DLGAP1: variants seen among roughly 807,000 people sequenced by gnomAD.
DLGAP1 encodes disks large-associated protein 1.
A neutral mutation model predicts 90.8 loss-of-function variants in DLGAP1; 11 were observed. The observed-to-expected ratio is 0.12, with a 90% CI of 0.08 to 0.20. DLGAP1 has a LOEUF of 0.20. Among genes scored for constraint, DLGAP1 ranks in the 10% least tolerant of loss-of-function variants. The probability of loss-of-function intolerance (pLI) is 1.00; values close to 1 mark genes in which losing one functional copy is unlikely to be tolerated. For synonymous variants in DLGAP1, 558 were observed against 540.7 expected (o/e 1.03, Z -0.44); for missense variants, 1,050 against 1,333.8 (o/e 0.79, Z 3.31).
chr18:4,376,862 C>T (rs1426859084), intron 1 of DLGAP1, among the ~76,000 whole-genome samples: 1 of 152,102 alleles, frequency 6.6e-6, no homozygotes, highest in African/African-American at 2.4e-5. Flanking sequence ...TGCATTGGGG[C>T]ACTAAACTAT....
intron 7 of DLGAP1, among the ~76,000 whole-genome samples, chr18:3,591,341 T>C (rs181605360): frequency 5.1e-4 from 78 of 152,216 alleles, no homozygotes; most frequent in Non-Finnish European, 9.7e-4. Context: ...ATTGGACTTA[T>C]GGTTGTAATG....
At chr18:4,184,198 G>C (rs1328496947) in intron 1 of DLGAP1, among the ~76,000 whole-genome samples, 1 of 152,114 alleles carries the variant, frequency 6.6e-6, no homozygotes, top group Non-Finnish European at 1.5e-5. Context: ...TTAATTGCTT[G>C]TATTGATCGT....
At chr18:3,994,106 T>G (rs2074021867) in intron 3 of DLGAP1, among the ~76,000 whole-genome samples, 1 of 152,070 alleles carries the variant, frequency 6.6e-6, no homozygotes, top group African/African-American at 2.4e-5. Flanking sequence ...GACCCTCCCT[T>G]TCCTAGGCCA....
chr18:4,228,488 C>T (rs115802515), intron 1 of DLGAP1, among the ~76,000 whole-genome samples: 6,047 of 152,046 alleles, frequency 0.04, 153 homozygotes, highest in Middle Eastern at 0.054. Flanking sequence ...AAAACATCAT[C>T]CATCACGGCC....
chr18:3,850,072 T>C (rs1195431113), intron 4 of DLGAP1, among the ~76,000 whole-genome samples: 2 of 152,120 alleles, frequency 1.3e-5, no homozygotes, highest in African/African-American at 4.8e-5. Flanking sequence ...AAAATTAGCA[T>C]GTGGGATGTT....
At chr18:4,278,835 A>T (rs947569500) in intron 1 of DLGAP1, among the ~76,000 whole-genome samples, 4 of 152,224 alleles carry the variant, frequency 2.6e-5, no homozygotes, top group African/African-American at 4.8e-5. Context: ...CACTGCAGCA[A>T]TAAACATAGG....
chr18:4,292,322 A>G (rs112557837), intron 1 of DLGAP1, among the ~76,000 whole-genome samples: 6,154 of 152,204 alleles, frequency 0.04, 306 homozygotes, highest in African/African-American at 0.12. Context: ...CAGAGATAAA[A>G]ACAAAAAGCA....
chr18:4,255,149 C>T (rs534572528), intron 1 of DLGAP1, among the ~76,000 whole-genome samples: 56 of 152,256 alleles, frequency 3.7e-4, no homozygotes, highest in Non-Finnish European at 6.8e-4. Flanking sequence ...AGACTTGATG[C>T]ATTATGGAAA....
At chr18:3,717,352 G>C (rs113596247) in intron 7 of DLGAP1, among the ~76,000 whole-genome samples, 224 of 152,190 alleles carry the variant, frequency 1.5e-3, no homozygotes, top group African/African-American at 5.2e-3. Context: ...GAGGGAACAG[G>C]AAAGAAGGGT....
At position 3,728,300 on chromosome 18, in the gene DLGAP1, T is replaced by TTTTATA. The variant is rs1555644253; in HGVS notation, c.1591+834_1591+835insTATAAA. ...GGATTTTCTTTTTGGAACGCAAATG[T>TTTTATA]TATATATATATATATATATATATAT... is the stretch of plus-strand genomic sequence containing the variant. On this transcript the variant is annotated intron_variant, in intron 7 of 12. Transcript: ENST00000315677. Among the ~76,000 whole-genome samples, 7 of 123,648 alleles carry TTTTATA rather than the reference T, an allele frequency of 5.7e-5. 1 individual carries two copies. The East Asian group carries it at 1.9e-3, about 34-fold the overall frequency. The allele number at this position is 123,648 out of a possible 152,430, so 81.1% of individuals were successfully genotyped here.
intron 1 of DLGAP1, among the ~76,000 whole-genome samples, chr18:4,381,279 T>C (rs771385516): frequency 1.3e-5 from 2 of 152,124 alleles, no homozygotes; most frequent in East Asian, 1.9e-4. Context: ...GACAAATAGA[T>C]AGACATAAAA....
At chr18:3,550,734 C>CTTTTT (rs1165404588) in intron 9 of DLGAP1, among the ~76,000 whole-genome samples, 57 of 85,236 alleles carry the variant, frequency 6.7e-4, no homozygotes, top group African/African-American at 9.7e-4. Flanking sequence ...GAACCAGACC[C>CTTTTT]TTTTTTTTTT....
intron 1 of DLGAP1, among the ~76,000 whole-genome samples, chr18:4,385,214 C>CTT (rs763031760): frequency 6.6e-6 from 1 of 152,152 alleles, no homozygotes; most frequent in Non-Finnish European, 1.5e-5. Context: ...TTTTCACTCT[C>CTT]ATTTTCATAT....
Position 4,360,775 on chromosome 18 carries a change from T to A in DLGAP1, c.-267+94231A>T, listed in dbSNP as rs140796598. ...AGGTGGATCACCTAAGGTCAGGAGT[T>A]CGAGACCAGCCTAGCCAACATGGCA... On this transcript the variant is annotated intron_variant, in intron 1 of 12. Coordinates refer to ENST00000315677, the MANE Select transcript of DLGAP1 (RefSeq NM_004746.4). 4.2e-3 allele frequency among the ~76,000 whole-genome samples: 644 copies of A among 152,214 alleles called. 1 individual carries two copies. The highest frequency in any genetic ancestry group is 0.02 in the Middle Eastern group (6 of 294).
At chr18:3,914,526 A>G (rs1434896141) in intron 3 of DLGAP1, among the ~76,000 whole-genome samples, 1 of 152,088 alleles carries the variant, frequency 6.6e-6, no homozygotes, top group Non-Finnish European at 1.5e-5. Context: ...TCTCCCTTCA[A>G]CTACTGATTT....
intron 2 of DLGAP1, among the ~76,000 whole-genome samples, chr18:4,124,946 AC>A (rs2076209638): frequency 1.3e-5 from 2 of 152,174 alleles, no homozygotes; most frequent in African/African-American, 4.8e-5. Flanking sequence ...AAGACTAGGT[AC>A]CCCGGAATCA....
chr18:4,254,194 G>C (rs896387705), intron 1 of DLGAP1, among the ~76,000 whole-genome samples: 3 of 152,124 alleles, frequency 2.0e-5, no homozygotes, highest in Non-Finnish European at 4.4e-5. Context: ...CTGATTTCTC[G>C]AAGTGATTGT....
chr18:3,790,533 G>A (rs1180637362), intron 5 of DLGAP1, among the ~76,000 whole-genome samples: 1 of 152,104 alleles, frequency 6.6e-6, no homozygotes, highest in East Asian at 1.9e-4. Flanking sequence ...CCTCCCAAGT[G>A]CTAGGATTAC....
intron 7 of DLGAP1, among the ~76,000 whole-genome samples, chr18:3,648,385 T>G (rs754415605): frequency 6.6e-6 from 1 of 152,178 alleles, no homozygotes; most frequent in Non-Finnish European, 1.5e-5. Flanking sequence ...AATACCAAAT[T>G]CAAACAAAAT....
Sources: gnomAD v4.1 joint callset for allele counts (sites outside exome capture counted in the v4.1 genomes callset) on GRCh38, gnomAD v4.1.1 for gene constraint, MANE v1.5 for transcripts, NCBI Gene and HGNC (gene_info 2026-07-23, HGNC 2026-07-21) for gene names.